The following CSMD1 variants were observed in gnomAD, a reference collection of about 807,000 sequenced individuals.
CSMD1 encodes CUB and sushi domain-containing protein 1.
In CSMD1, 213 loss-of-function variants were observed where a neutral mutation model predicts 417.5. That is an observed-to-expected ratio of 0.51 (90% confidence interval 0.46 to 0.57). The LOEUF (loss-of-function observed/expected upper bound fraction) is 0.57, where lower values mean the gene tolerates loss of function less well. Ranked by LOEUF, CSMD1 falls within the 20% of genes least tolerant of loss-of-function variation. CSMD1 has a pLI of 0.00. For synonymous variants in CSMD1, 2,862 were observed against 1,736.8 expected (o/e 1.65, Z -16.11); for missense variants, 6,923 against 4,529.7 (o/e 1.53, Z -15.17).
chr8:3,338,915 A>G (rs1274477167), intron 23 of CSMD1, among the ~76,000 whole-genome samples: 3 of 151,134 alleles, frequency 2.0e-5, no homozygotes, highest in Admixed American at 6.6e-5. Context: ...TACATGTGCC[A>G]TGCTGGTGCG....
intron 1 of CSMD1, among the ~76,000 whole-genome samples, chr8:4,963,864 G>C (rs1211493323): frequency 2.0e-5 from 3 of 151,936 alleles, no homozygotes; most frequent in Non-Finnish European, 4.4e-5. Context: ...CCTAACCTAA[G>C]CTCATAGAAA....
intron 1 of CSMD1, among the ~76,000 whole-genome samples, chr8:4,912,865 A>G (rs901066453): frequency 2.6e-5 from 4 of 152,048 alleles, no homozygotes; most frequent in African/African-American, 9.7e-5. Context: ...GGCTTACTAC[A>G]ACCTCCACCT....
At chr8:4,467,340 A>T (rs1585125847) in intron 2 of CSMD1, among the ~76,000 whole-genome samples, 1 of 152,178 alleles carries the variant, frequency 6.6e-6, no homozygotes, top group Non-Finnish European at 1.5e-5. Flanking sequence ...CCCATTACTG[A>T]ATGTGTAATT....
chr8:4,234,054 A>G (rs754339999), intron 3 of CSMD1, among the ~76,000 whole-genome samples: 13 of 152,148 alleles, frequency 8.5e-5, no homozygotes, highest in African/African-American at 2.2e-4. Flanking sequence ...AGTGAAACAG[A>G]TAAGTCAACC....
chr8:3,864,133 T>A (rs1804917236), intron 5 of CSMD1, among the ~76,000 whole-genome samples: 1 of 152,090 alleles, frequency 6.6e-6, no homozygotes, highest in South Asian at 2.1e-4. Context: ...TAAAAAAAAA[T>A]GTGACCAGCA....
intron 6 of CSMD1, among the ~76,000 whole-genome samples, chr8:3,722,437 T>C (rs566549989): frequency 6.6e-6 from 1 of 152,290 alleles, no homozygotes; most frequent in South Asian, 2.1e-4. Context: ...TAATCTTAAA[T>C]AAATATTAAA....
intron 12 of CSMD1, among the ~76,000 whole-genome samples, chr8:3,446,606 G>C (rs551505512): frequency 1.3e-5 from 2 of 152,104 alleles, no homozygotes; most frequent in Non-Finnish European, 2.9e-5. Flanking sequence ...CCTAACAAAG[G>C]TTTCACTCTG....
At chr8:4,760,663 T>C (rs1048142138) in intron 1 of CSMD1, among the ~76,000 whole-genome samples, 1 of 152,186 alleles carries the variant, frequency 6.6e-6, no homozygotes, top group Non-Finnish European at 1.5e-5. Context: ...ATGAGTAACA[T>C]TTTGTCTATT....
intron 21 of CSMD1, among the ~76,000 whole-genome samples, chr8:3,358,695 C>T (rs562329809): frequency 6.6e-6 from 1 of 152,236 alleles, no homozygotes; most frequent in South Asian, 2.1e-4. Flanking sequence ...AGTGTGCAAC[C>T]ATCATCCCAT....
chr8:4,384,878 A>G (rs1379944629), intron 3 of CSMD1, among the ~76,000 whole-genome samples: 1 of 149,710 alleles, frequency 6.7e-6, no homozygotes, highest in African/African-American at 2.4e-5. Flanking sequence ...CAACTGCTCT[A>G]ATTTCTGGTG....
intron 40 of CSMD1, among the ~76,000 whole-genome samples, chr8:3,145,176 G>A (rs146718940): frequency 0.01 from 1,586 of 152,108 alleles, 13 homozygotes; most frequent in Non-Finnish European, 0.014. Flanking sequence ...CCAATCAGGC[G>A]GAATCAAGAA....
At chr8:4,339,522 T>A (rs1192305016) in intron 3 of CSMD1, among the ~76,000 whole-genome samples, 1 of 152,126 alleles carries the variant, frequency 6.6e-6, no homozygotes, top group Non-Finnish European at 1.5e-5. Flanking sequence ...GACTTCAATT[T>A]CAGTCCTACA....
At chr8:3,784,216 C>G (rs1271630433) in intron 5 of CSMD1, among the ~76,000 whole-genome samples, 1 of 152,072 alleles carries the variant, frequency 6.6e-6, no homozygotes, top group Non-Finnish European at 1.5e-5. Context: ...CAATAAATAA[C>G]AAATTATTTT....
chr8:3,613,100 C>T (rs1036749311), intron 8 of CSMD1, among the ~76,000 whole-genome samples: 2 of 151,884 alleles, frequency 1.3e-5, no homozygotes, highest in Admixed American at 1.3e-4. Context: ...GAAATTACTA[C>T]TCATTTAAAG....
intron 6 of CSMD1, among the ~76,000 whole-genome samples, chr8:3,713,546 T>G (rs1296227032): frequency 6.6e-6 from 1 of 152,090 alleles, no homozygotes; most frequent in Non-Finnish European, 1.5e-5. Flanking sequence ...TTCCTCAAGA[T>G]CCACTGAACT....
At chr8:3,727,661 T>C (rs1381229478) in intron 6 of CSMD1, among the ~76,000 whole-genome samples, 4 of 152,200 alleles carry the variant, frequency 2.6e-5, no homozygotes, top group Non-Finnish European at 5.9e-5. Context: ...TAGATGTTTT[T>C]ACACTCAAGT....
chr8:2,977,874 G>C (rs1420138770), intron 55 of CSMD1, among the ~76,000 whole-genome samples: 1 of 152,112 alleles, frequency 6.6e-6, no homozygotes, highest in African/African-American at 2.4e-5. Context: ...ACTACAATGA[G>C]ATACCATCTC....
chr8:3,788,117 T>G (rs1799546844), intron 5 of CSMD1, among the ~76,000 whole-genome samples: 1 of 152,212 alleles, frequency 6.6e-6, no homozygotes, highest in Non-Finnish European at 1.5e-5. Flanking sequence ...TCTAAAATTT[T>G]CTTTAAAATA....
intron 3 of CSMD1, among the ~76,000 whole-genome samples, chr8:4,256,440 A>G (rs960882089): frequency 3.3e-5 from 5 of 152,212 alleles, no homozygotes; most frequent in Admixed American, 2.6e-4. Context: ...GTGAAGATTA[A>G]AAGAGGTGAT....
Sources: allele counts gnomAD v4.1 joint callset (sites outside exome capture counted in the v4.1 genomes callset), GRCh38; gene constraint gnomAD v4.1.1; transcripts MANE v1.5; gene names NCBI Gene and HGNC (gene_info 2026-07-23, HGNC 2026-07-21).